RIC3: variants seen among roughly 807,000 people sequenced by gnomAD.
RIC3 encodes RIC3 acetylcholine receptor chaperone.
RIC3 carries 28 observed loss-of-function variants against 27.3 expected under a neutral mutation model. That is an observed-to-expected ratio of 1.02 (90% CI 0.76 to 1.41). The LOEUF (loss-of-function observed/expected upper bound fraction) is 1.41. RIC3 is among the 40% of genes most tolerant of loss of function. The pLI, the probability that RIC3 is intolerant of heterozygous loss-of-function variation, is 0.00. For missense variants in RIC3, 501 were observed against 444.7 expected (o/e 1.13, Z -1.14); for synonymous variants, 184 against 160.4 (o/e 1.15, Z -1.11).
chr11:8,159,632 T>C (rs532136085), intron 1 of RIC3, among the ~76,000 whole-genome samples: 3 of 152,228 alleles, frequency 2.0e-5, no homozygotes, highest in African/African-American at 7.2e-5. Context: ...ATGAATACAG[T>C]GGTGGGACTC....
rs151267954 is a variant in RIC3 at position 8,137,194 on chromosome 11, T to A, written c.521+184A>T. ...TGTGCACCACCACACCTGGCTAATT[T>A]TGTATTTTTAGTAGAGACAGGGTTT... On this transcript the variant is annotated intron_variant, in intron 4 of 5. Coordinates refer to ENST00000309737, the MANE Select transcript of RIC3 (RefSeq NM_001206671.4). 2.1e-3 allele frequency among the ~76,000 whole-genome samples: 325 copies of A among 152,260 alleles called. 3 individuals are homozygous for A. Among genetic ancestry groups the A allele is most frequent in the East Asian group, 0.016 (84 of 5,168 alleles).
chr11:8,120,250 C>T (rs1457893211), intron 5 of RIC3, among the ~76,000 whole-genome samples: 1 of 152,156 alleles, frequency 6.6e-6, no homozygotes, highest in African/African-American at 2.4e-5. Flanking sequence ...CGTACATTTA[C>T]TGCAGCACTA....
intron 1 of RIC3, among the ~76,000 whole-genome samples, chr11:8,157,730 C>T (rs74052546): frequency 6.6e-6 from 1 of 152,192 alleles, no homozygotes; most frequent in African/African-American, 2.4e-5. Flanking sequence ...ATTTGTAGGG[C>T]TAAAAATAGT....
the RIC3 span, chr11:8,098,959 CCAT>C: frequency 1.0e-6 from 1 of 1,001,024 alleles, no homozygotes; most frequent in African/African-American, 1.6e-5. Context: ...GCTATCCCAT[CCAT>C]CTTAGTGGGT....
chr11:8,165,026 A>T (rs1048392066), intron 1 of RIC3, among the ~76,000 whole-genome samples: 5 of 152,146 alleles, frequency 3.3e-5, no homozygotes, highest in African/African-American at 7.2e-5. Flanking sequence ...ATTGACAAGA[A>T]ACCAGAAGCC....
the RIC3 span, chr11:8,093,935 G>A: frequency 7.8e-7 from 1 of 1,285,012 alleles, no homozygotes; most frequent in Non-Finnish European, 1.1e-6. Context: ...GGCCCTGGTG[G>A]GACTCGGGGT....
At chr11:8,165,352 C>A (rs948289375) in intron 1 of RIC3, among the ~76,000 whole-genome samples, 1 of 132,352 alleles carries the variant, frequency 7.6e-6, no homozygotes, top group African/African-American at 2.9e-5. Flanking sequence ...TATTATTCAG[C>A]CATAAAAAAA....
At chr11:8,162,835 G>A (rs754329241) in intron 1 of RIC3, among the ~76,000 whole-genome samples, 3 of 151,366 alleles carry the variant, frequency 2.0e-5, no homozygotes, top group Non-Finnish European at 4.4e-5. Context: ...TAGTAGAGAC[G>A]GGGTTTCTCC....
chr11:8,128,210 A>T (rs1389200169), intron 4 of RIC3: 2 of 457,314 alleles, frequency 4.4e-6, no homozygotes, highest in East Asian at 6.9e-5. Context: ...GCAGACTAGA[A>T]GAGCTTACCT....
chr11:8,097,542 C>A, the RIC3 span: 1 of 1,440,348 alleles, frequency 6.9e-7, no homozygotes, highest in Non-Finnish European at 9.6e-7. Flanking sequence ...CTCAAAGAAA[C>A]TGCCTTCGTG....
At chr11:8,100,794 T>C in the RIC3 span, 1 of 1,611,172 alleles carries the variant, frequency 6.2e-7, no homozygotes. Context: ...GCCAAAGGCC[T>C]GGGCCTGGCT....
the RIC3 span, among the ~76,000 whole-genome samples, chr11:8,093,843 C>T: frequency 2.0e-5 from 3 of 152,142 alleles, no homozygotes; most frequent in Non-Finnish European, 4.4e-5. Flanking sequence ...GGTGCCGCCT[C>T]CTTCCAGCTG....
intron 1 of RIC3, among the ~76,000 whole-genome samples, chr11:8,163,513 C>T (rs1426076224): frequency 6.6e-6 from 1 of 151,614 alleles, no homozygotes; most frequent in East Asian, 1.9e-4. Context: ...TCTCTATATG[C>T]AGACAAGTTC....
chr11:8,094,290 A>G, the RIC3 span: 4 of 1,416,444 alleles, frequency 2.8e-6, no homozygotes, highest in Admixed American at 2.5e-5. Flanking sequence ...GATAGGATGA[A>G]CAGCCTCAGG....
At chr11:8,114,926 C>A (rs1407703970) in intron 5 of RIC3, among the ~76,000 whole-genome samples, 1 of 151,854 alleles carries the variant, frequency 6.6e-6, no homozygotes, top group African/African-American at 2.4e-5. Context: ...TGACAATATA[C>A]AGTTGGATGA....
rs755079609 is a variant in RIC3, at chr11:8,126,655, T to C, written c.670+4A>G. On this transcript the variant is annotated splice_donor_region_variant and intron_variant, in intron 5 of 5. Coordinates refer to ENST00000309737, the MANE Select transcript of RIC3 (RefSeq NM_001206671.4). Reference sequence around the variant, plus strand: ...TAACAAAAAAATGAGAAGACACTGTTTACCTTCCCAGTCCTCCATGTAAGG... The same window carrying C: ...TAACAAAAAAATGAGAAGACACTGTCTACCTTCCCAGTCCTCCATGTAAGG... The C allele has an allele frequency of 6.1e-5, 99 of 1,613,774 alleles. No homozygotes were observed. The highest frequency in any genetic ancestry group is 8.1e-5 in the Non-Finnish European group (96 of 1,179,872).
chr11:8,148,805 G>C (rs1254535613), intron 1 of RIC3, among the ~76,000 whole-genome samples: 3 of 152,058 alleles, frequency 2.0e-5, no homozygotes, highest in African/African-American at 7.2e-5. Context: ...AGCAGCAGCA[G>C]CAGCAGCAGG....
At chr11:8,096,658 T>G in the RIC3 span, 2 of 1,467,336 alleles carry the variant, frequency 1.4e-6, no homozygotes, top group Non-Finnish European at 1.9e-6. Flanking sequence ...TCCTCCTTCA[T>G]CCCTTCTTCT....
intron 1 of RIC3, among the ~76,000 whole-genome samples, chr11:8,154,171 A>T (rs1474856460): frequency 6.6e-6 from 1 of 152,198 alleles, no homozygotes; most frequent in African/African-American, 2.4e-5. Flanking sequence ...CTTTATGAAC[A>T]TTTGTATATC....
Sources: gnomAD v4.1 joint callset for allele counts (sites outside exome capture counted in the v4.1 genomes callset) on GRCh38, gnomAD v4.1.1 for gene constraint, MANE v1.5 for transcripts, NCBI Gene and HGNC (gene_info 2026-07-23, HGNC 2026-07-21) for gene names.